The following STPG2 variants were observed in gnomAD, a reference collection of about 807,000 sequenced individuals.
STPG2 encodes the protein sperm-tail PG-rich repeat-containing protein 2.
Under a neutral mutation model 54.2 loss-of-function variants are expected in STPG2, and 56 were observed. The ratio of observed to expected loss-of-function variants is 1.03; its 90% CI spans 0.83 to 1.29. STPG2 has a LOEUF of 1.29. Ranked by LOEUF, STPG2 falls within the 50% of genes most tolerant of loss-of-function variation. The pLI is 0.00. For missense variants in STPG2, 596 were observed against 544.9 expected, an observed-to-expected ratio of 1.09 and a Z score of -0.93; for synonymous variants, 200 against 181.8, an observed-to-expected ratio of 1.10 and a Z score of -0.81.
chr4:97,693,712 C>T lies in STPG2; in HGVS notation c.1320+18987G>A, dbSNP rs140595702. ...TTCTACCCAACAATTGCAAAATATA[C>T]ATTCTATTCATTAGCACATGGAACA... On this transcript the variant is annotated intron_variant, in intron 10 of 10. Coordinates refer to ENST00000295268, the MANE Select transcript of STPG2 (RefSeq NM_174952.3). 2.8e-3 allele frequency among the ~76,000 whole-genome samples: 421 copies of T among 152,274 alleles called. 3 individuals are homozygous for T. Among genetic ancestry groups the T allele is most frequent in the African/African-American group, 9.3e-3 (385 of 41,564 alleles).
intron 8 of STPG2, among the ~76,000 whole-genome samples, chr4:97,907,850 C>G (rs12245008): frequency 6.6e-6 from 1 of 152,002 alleles, no homozygotes. Context: ...TTCCTTACAC[C>G]TTATACAAAA....
At chr4:97,796,836 G>C (rs1727200935) in intron 9 of STPG2, among the ~76,000 whole-genome samples, 1 of 152,168 alleles carries the variant, frequency 6.6e-6, no homozygotes. Context: ...AGCCTGGAAT[G>C]TTCTTCCATT....
intron 9 of STPG2, among the ~76,000 whole-genome samples, chr4:97,815,239 T>A (rs1316620962): frequency 2.0e-5 from 3 of 152,182 alleles, no homozygotes; most frequent in Non-Finnish European, 4.4e-5. Flanking sequence ...TGTGTATGTG[T>A]GTGCATGCGT....
At chr4:97,705,367 C>A (rs371131286) in intron 10 of STPG2, among the ~76,000 whole-genome samples, 2 of 151,978 alleles carry the variant, frequency 1.3e-5, no homozygotes, top group African/African-American at 4.8e-5. Context: ...ACTCTGTTAC[C>A]CAGGCTGGAG....
chr4:97,757,015 A>G (rs1438038042), intron 9 of STPG2, among the ~76,000 whole-genome samples: 1 of 152,150 alleles, frequency 6.6e-6, no homozygotes, highest in Non-Finnish European at 1.5e-5. Flanking sequence ...ATCATGTGTA[A>G]GAGGCACTGT....
intron 10 of STPG2, among the ~76,000 whole-genome samples, chr4:97,581,475 G>C (rs1306943979): frequency 1.3e-5 from 2 of 152,148 alleles, no homozygotes; most frequent in Non-Finnish European, 2.9e-5. Flanking sequence ...AGATTAGGCA[G>C]TGTAAGTTTA....
At chr4:97,882,968 A>G (rs1578652509) in intron 8 of STPG2, among the ~76,000 whole-genome samples, 1 of 125,478 alleles carries the variant, frequency 8.0e-6, no homozygotes, top group Non-Finnish European at 1.7e-5. Context: ...CTACACATAC[A>G]TACCACATAC....
chr4:97,806,580 A>G (rs1727574303), intron 9 of STPG2, among the ~76,000 whole-genome samples: 1 of 152,078 alleles, frequency 6.6e-6, no homozygotes, highest in East Asian at 1.9e-4. Context: ...AGACATCACA[A>G]TCATGCCATC....
At chr4:98,080,312 C>T (rs1414947996) in intron 5 of STPG2, among the ~76,000 whole-genome samples, 2 of 151,948 alleles carry the variant, frequency 1.3e-5, no homozygotes, top group Admixed American at 6.6e-5. Context: ...AGGCTGTACT[C>T]AAACTCCTGA....
chr4:97,963,041 C>T (rs1242952998), intron 7 of STPG2, among the ~76,000 whole-genome samples: 2 of 152,100 alleles, frequency 1.3e-5, no homozygotes, highest in Non-Finnish European at 2.9e-5. Flanking sequence ...CACCTGTAAT[C>T]CCAGCTACTC....
chr4:97,742,006 C>T (rs898491879), intron 9 of STPG2, among the ~76,000 whole-genome samples: 1 of 151,998 alleles, frequency 6.6e-6, no homozygotes, highest in South Asian at 2.1e-4. Context: ...AAATGTGGCA[C>T]ATATACACCA....
intron 9 of STPG2, among the ~76,000 whole-genome samples, chr4:97,730,497 G>C (rs568478624): frequency 2.4e-4 from 36 of 152,174 alleles, no homozygotes; most frequent in South Asian, 2.1e-4. Flanking sequence ...GGAATGATTT[G>C]TTTTCCTTTG....
chr4:97,692,235 C>A (rs1406870656), intron 10 of STPG2, among the ~76,000 whole-genome samples: 3 of 135,266 alleles, frequency 2.2e-5, no homozygotes, highest in Non-Finnish European at 3.1e-5. Flanking sequence ...TTAAGCTAAT[C>A]AAGAAGGCAT....
intron 4 of STPG2, among the ~76,000 whole-genome samples, chr4:98,106,999 T>G (rs1044447032): frequency 2.6e-5 from 4 of 152,152 alleles, no homozygotes; most frequent in Non-Finnish European, 5.9e-5. Context: ...ACTTTCTTTG[T>G]TCAGCAGTGC....
At chr4:97,891,105 T>G (rs1295057254) in intron 8 of STPG2, among the ~76,000 whole-genome samples, 1 of 151,996 alleles carries the variant, frequency 6.6e-6, no homozygotes, top group Non-Finnish European at 1.5e-5. Flanking sequence ...GTTGCCTGAT[T>G]TTATAAAAAG....
At chr4:97,577,431 G>T (rs1261452195) in intron 10 of STPG2, among the ~76,000 whole-genome samples, 5 of 152,048 alleles carry the variant, frequency 3.3e-5, no homozygotes, top group African/African-American at 4.8e-5. Flanking sequence ...CACACTTTTT[G>T]CAGCAACATG....
chr4:97,737,387 A>G (rs974348316), intron 9 of STPG2, among the ~76,000 whole-genome samples: 8 of 152,228 alleles, frequency 5.3e-5, no homozygotes, highest in Non-Finnish European at 7.3e-5. Context: ...TTGAGAGAAG[A>G]AGGCTTCAGC....
intron 5 of STPG2, among the ~76,000 whole-genome samples, chr4:98,007,357 A>G (rs1735607547): frequency 6.6e-6 from 1 of 152,170 alleles, no homozygotes; most frequent in Admixed American, 6.6e-5. Context: ...AAGTCTACCT[A>G]TAATCAAAAA....
At chr4:98,031,599 C>T (rs530479425) in intron 5 of STPG2, among the ~76,000 whole-genome samples, 3 of 151,990 alleles carry the variant, frequency 2.0e-5, no homozygotes, top group Non-Finnish European at 2.9e-5. Context: ...GCAGCAGAAT[C>T]GCTTGAAACC....
Sources: gnomAD v4.1 joint callset for allele counts (sites outside exome capture counted in the v4.1 genomes callset) on GRCh38, gnomAD v4.1.1 for gene constraint, MANE v1.5 for transcripts, NCBI Gene and HGNC (gene_info 2026-07-23, HGNC 2026-07-21) for gene names.